Variants in WWOX observed in about 807,000 individuals in gnomAD.
WWOX encodes WW domain-containing oxidoreductase.
In WWOX, 69 loss-of-function variants were observed where a neutral mutation model predicts 46.2. That is an observed-to-expected ratio of 1.49 (90% CI 1.23 to 1.82). The LOEUF (loss-of-function observed/expected upper bound fraction) is 1.82. WWOX is among the 40% of genes most tolerant of loss of function. The pLI is 0.00. For synonymous variants in WWOX, 359 were observed against 202.6 expected (o/e 1.77, Z -6.56); for missense variants, 919 against 542.6 (o/e 1.69, Z -6.89).
chr16:78,635,384 C>A (rs913703864), intron 8 of WWOX, among the ~76,000 whole-genome samples: 1 of 152,160 alleles, frequency 6.6e-6, no homozygotes, highest in East Asian at 1.9e-4. Flanking sequence ...GGGACCTCTG[C>A]GACTGCTCAT....
intron 8 of WWOX, among the ~76,000 whole-genome samples, chr16:78,478,584 A>G (rs1423851815): frequency 6.6e-6 from 1 of 151,166 alleles, no homozygotes; most frequent in African/African-American, 2.4e-5. Flanking sequence ...TGCACCCCCC[A>G]CCCCAAGGAA....
intron 8 of WWOX, among the ~76,000 whole-genome samples, chr16:79,073,180 A>G (rs1383665104): frequency 6.8e-6 from 1 of 147,246 alleles, no homozygotes; most frequent in East Asian, 2.0e-4. Context: ...TATTATTATT[A>G]TTATTATTAT....
chr16:78,143,637 A>G (rs147637934), intron 4 of WWOX, among the ~76,000 whole-genome samples: 180 of 152,230 alleles, frequency 1.2e-3, no homozygotes, highest in African/African-American at 4.2e-3. Context: ...CTTTACAGAA[A>G]AAGTTTGGCA....
At chr16:78,227,932 A>G (rs1251443468) in intron 5 of WWOX, among the ~76,000 whole-genome samples, 1 of 152,142 alleles carries the variant, frequency 6.6e-6, no homozygotes, top group Admixed American at 6.6e-5. Context: ...ACCCCAGTGC[A>G]GCCATGGGTA....
At chr16:78,624,323 G>T (rs1298498958) in intron 8 of WWOX, among the ~76,000 whole-genome samples, 1 of 150,778 alleles carries the variant, frequency 6.6e-6, no homozygotes, top group Non-Finnish European at 1.5e-5. Flanking sequence ...AAGTTTCTCT[G>T]CCTCCTTTGC....
chr16:78,769,027 T>A (rs2049995866), intron 8 of WWOX, among the ~76,000 whole-genome samples: 3 of 152,142 alleles, frequency 2.0e-5, no homozygotes, highest in Admixed American at 2.0e-4. Flanking sequence ...GTCAATTTGT[T>A]GTTATTTTTC....
chr16:78,502,130 C>A (rs1245007779), intron 8 of WWOX, among the ~76,000 whole-genome samples: 2 of 152,168 alleles, frequency 1.3e-5, no homozygotes, highest in Non-Finnish European at 2.9e-5. Context: ...TGGAGCTTTG[C>A]AGGGCCTATC....
chr16:79,172,504 C>G (rs1268132896), intron 8 of WWOX, among the ~76,000 whole-genome samples: 1 of 152,120 alleles, frequency 6.6e-6, no homozygotes, highest in Non-Finnish European at 1.5e-5. Context: ...GTAGGCCCTA[C>G]ATAAATGTTT....
intron 8 of WWOX, among the ~76,000 whole-genome samples, chr16:79,093,147 A>C (rs1266180826): frequency 6.6e-6 from 1 of 152,174 alleles, no homozygotes; most frequent in Admixed American, 6.5e-5. Flanking sequence ...AAAGAATGAC[A>C]CTTCTAAAGG....
chr16:78,634,705 TA>T (rs60805816), intron 8 of WWOX, among the ~76,000 whole-genome samples: 27,506 of 133,280 alleles, frequency 0.21, 3,239 homozygotes, highest in African/African-American at 0.34. Flanking sequence ...GACTCTGTGT[TA>T]AAAAAAAAAA....
In WWOX at chr16:78,887,518, C is replaced by CACAT. The variant is rs1199309440; in HGVS notation, c.1057-324089_1057-324088insCATA. Among the ~76,000 whole-genome samples the CACAT allele has an allele frequency of 8.2e-3, 1,204 of 147,430 alleles. 52 individuals are homozygous for CACAT. The highest frequency in any genetic ancestry group is 0.027 in the African/African-American group (1,076 of 39,368). On this transcript the variant is annotated intron_variant, in intron 8 of 8. Coordinates refer to ENST00000566780, the MANE Select transcript of WWOX (RefSeq NM_016373.4). Reference sequence around the variant, plus strand: ...ACACACACACACACACACACACACACAAGAAATGACTACAGACACCTCAAC... The same window carrying CACAT: ...ACACACACACACACACACACACACACACATAAGAAATGACTACAGACACCTCAAC...
intron 8 of WWOX, among the ~76,000 whole-genome samples, chr16:78,577,707 G>T (rs971850585): frequency 3.3e-5 from 5 of 152,170 alleles, no homozygotes; most frequent in Non-Finnish European, 7.4e-5. Flanking sequence ...ATAGCTCTGG[G>T]AGACAGTGTG....
At chr16:78,499,474 G>A (rs866677369) in intron 8 of WWOX, among the ~76,000 whole-genome samples, 3 of 152,184 alleles carry the variant, frequency 2.0e-5, no homozygotes. Context: ...GGTCAGGTGG[G>A]ACTCATGGAG....
chr16:78,490,955 T>C (rs1222759915), intron 8 of WWOX, among the ~76,000 whole-genome samples: 1 of 152,162 alleles, frequency 6.6e-6, no homozygotes, highest in Non-Finnish European at 1.5e-5. Flanking sequence ...CAACTCGGCT[T>C]GGCTCACCAG....
chr16:79,164,759 C>T (rs1321816261), intron 8 of WWOX, among the ~76,000 whole-genome samples: 1 of 152,120 alleles, frequency 6.6e-6, no homozygotes, highest in Non-Finnish European at 1.5e-5. Context: ...ATCCTTTTCA[C>T]TAGAGGGTCA....
rs1567445414 is a variant in WWOX at position 78,233,523 on chromosome 16, A to ATT, written c.516+69234_516+69235insTT. On this transcript the variant is annotated intron_variant, in intron 5 of 8. Coordinates refer to ENST00000566780, the MANE Select transcript of WWOX (RefSeq NM_016373.4). Reference sequence around the variant, plus strand: ...TTGAAACATTTTCCTTTGATGATTAAATTTTTTTTTTTTTTTTTTTTGAGA... The same window carrying ATT: ...TTGAAACATTTTCCTTTGATGATTAATTATTTTTTTTTTTTTTTTTTTTGAGA... 4.6e-5 allele frequency among the ~76,000 whole-genome samples: 5 copies of ATT among 109,744 alleles called. No individual in the cohort carries two copies. In the South Asian group the frequency reaches 8.2e-4, roughly 18 times the overall value. 72.0% of individuals were successfully genotyped at this position (109,744 alleles called of 152,430 possible).
rs181137862 is a variant in WWOX, at chr16:78,997,055, G to A, written c.1057-214553G>A. Among the ~76,000 whole-genome samples, 8 of 152,262 alleles carry A rather than the reference G, an allele frequency of 5.3e-5. No individual in the cohort carries two copies. In the East Asian group the frequency reaches 5.8e-4, roughly 11 times the overall value. Reference sequence around the variant, plus strand: ...ATAGTTGATAGTGCTGCCACAGAGCGGCTGTCAGATTCCAAAGGCATCATA... The same window carrying A: ...ATAGTTGATAGTGCTGCCACAGAGCAGCTGTCAGATTCCAAAGGCATCATA... On this transcript the variant is annotated intron_variant, in intron 8 of 8. Coordinates refer to ENST00000566780, the MANE Select transcript of WWOX (RefSeq NM_016373.4).
chr16:79,161,713 T>C (rs949197613), intron 8 of WWOX, among the ~76,000 whole-genome samples: 1 of 152,124 alleles, frequency 6.6e-6, no homozygotes, highest in African/African-American at 2.4e-5. Flanking sequence ...GAGATGGGGT[T>C]TCACCATGTT....
chr16:78,104,155 A>G (rs751546765), intron 1 of WWOX, among the ~76,000 whole-genome samples: 7 of 151,250 alleles, frequency 4.6e-5, no homozygotes, highest in Non-Finnish European at 8.8e-5. Context: ...AGAGGCCTCA[A>G]TGGTGCCTGT....
Sources: allele counts gnomAD v4.1 joint callset (sites outside exome capture counted in the v4.1 genomes callset), GRCh38; gene constraint gnomAD v4.1.1; transcripts MANE v1.5; gene names NCBI Gene and HGNC (gene_info 2026-07-23, HGNC 2026-07-21).